Variants in EEF2K observed in about 807,000 individuals in gnomAD.
EEF2K encodes alternative protein EEF2K.
Under a neutral mutation model 93.8 loss-of-function variants are expected in EEF2K, and 70 were observed. The observed-to-expected ratio is 0.75, with a 90% confidence interval of 0.62 to 0.91. The LOEUF is 0.91. EEF2K is among the 40% of genes least tolerant of loss of function. The pLI, the probability that EEF2K is intolerant of heterozygous loss-of-function variation, is 0.00. For synonymous variants in EEF2K, 376 were observed against 380.8 expected (o/e 0.99, Z 0.15); for missense variants, 935 against 972.9 (o/e 0.96, Z 0.52).
At chr16:22,227,652 C>T (rs186852982) in intron 2 of EEF2K, among the ~76,000 whole-genome samples, 86 of 152,278 alleles carry the variant, frequency 5.6e-4, no homozygotes, top group Non-Finnish European at 1.0e-3. Flanking sequence ...GCACTGAGTA[C>T]AGACAGGCAA....
At chr16:22,261,192 A>G (rs1481386081) in intron 11 of EEF2K, among the ~76,000 whole-genome samples, 2 of 151,638 alleles carry the variant, frequency 1.3e-5, no homozygotes, top group African/African-American at 2.4e-5. Context: ...GGGCAATATG[A>G]CAAGACCCCC....
In EEF2K at chr16:22,266,425, C is replaced by T; in HGVS notation, c.1476C>T (p.Ser492=). The T allele has an allele frequency of 1.2e-6, 2 of 1,614,172 alleles. No individual in the cohort carries two copies. The highest frequency in any genetic ancestry group is 1.7e-6 in the Non-Finnish European group (2 of 1,180,026). Residue 492 remains serine, a synonymous_variant, in exon 14 of 18, where the codon TCC becomes TCT. Coordinates refer to ENST00000263026, the MANE Select transcript of EEF2K (RefSeq NM_013302.5). ...CVEKWNLLNS[S]RLHLPRASAV... is the part of the protein sequence containing the mutation. ...AGAAGTGGAATCTCCTCAACTCCTC[C>T]CGCCTCCACCTGCCGAGGGCTTCGG...
intron 15 of EEF2K, 61 bp downstream of exon 15, chr16:22,266,937 A>G: frequency 1.3e-6 from 2 of 1,530,618 alleles, no homozygotes; most frequent in African/African-American, 2.7e-5. Context: ...CCTGTGGTTC[A>G]CCTGCCTCCC....
chr16:22,231,665 T>A (rs571178892), intron 2 of EEF2K, among the ~76,000 whole-genome samples: 1 of 152,150 alleles, frequency 6.6e-6, no homozygotes, highest in South Asian at 2.1e-4. Context: ...TTCCTCTTCC[T>A]CAAATACATT....
At chr16:22,245,857 T>A (rs1293391032) in intron 3 of EEF2K, among the ~76,000 whole-genome samples, 7 of 152,146 alleles carry the variant, frequency 4.6e-5, no homozygotes, top group African/African-American at 1.7e-4. Context: ...GTGTGGCGGT[T>A]TCTCCCCACC....
intron 1 of EEF2K, among the ~76,000 whole-genome samples, chr16:22,215,513 G>C (rs745374120): frequency 1.1e-4 from 17 of 152,178 alleles, no homozygotes; most frequent in Non-Finnish European, 2.2e-4. Flanking sequence ...TCTCTCAATA[G>C]TTTAAATAAA....
At chr16:22,209,191 C>G (rs1215267818) in intron 1 of EEF2K, among the ~76,000 whole-genome samples, 5 of 152,144 alleles carry the variant, frequency 3.3e-5, no homozygotes, top group Admixed American at 3.3e-4. Flanking sequence ...GCCACCGTGC[C>G]CAGCTAATTT....
chr16:22,238,204 T>C (rs2141660726), intron 2 of EEF2K, among the ~76,000 whole-genome samples: 1 of 152,206 alleles, frequency 6.6e-6, no homozygotes, highest in South Asian at 2.1e-4. Context: ...ACAAAATTGC[T>C]TGAACCCAGG....
chr16:22,258,472 G>T, intron 9 of EEF2K, 22 bp from the exon 10 acceptor site: 1 of 1,612,646 alleles, frequency 6.2e-7, no homozygotes, highest in Non-Finnish European at 8.5e-7. Context: ...CGTGACATGA[G>T]TATCCCTATT....
At position 22,251,201 on chromosome 16, in the gene EEF2K, A is replaced by G. The variant is rs1346803128; in HGVS notation, c.497A>G (p.Asn166Ser). The part of the protein sequence containing the change: ...LHAQQWKGAS[N>S]YVAKRYIEPV... ...GCCCAGCAGTGGAAGGGCGCCTCCA[A>G]CTACGTGGCGAAGCGCTACATCGAG... Residue 166 changes from asparagine to serine, a missense_variant, in exon 6 of 18, where the codon AAC becomes AGC. Physicochemically the swap from Asn to Ser is conservative, Grantham distance 46. Transcript: ENST00000263026. 9 of 1,613,984 alleles carry G rather than the reference A, an allele frequency of 5.6e-6. No homozygotes were observed. The highest frequency in any genetic ancestry group is 5.9e-6 in the Non-Finnish European group (7 of 1,180,008).
intron 1 of EEF2K, among the ~76,000 whole-genome samples, chr16:22,225,331 CA>C (rs1364871718): frequency 2.6e-5 from 4 of 152,100 alleles, no homozygotes; most frequent in African/African-American, 9.7e-5. Flanking sequence ...AGGAAGCTGC[CA>C]GGGGTGGGCG....
rs1490324480 is a variant in EEF2K, at chr16:22,287,086, G to C, written c.*3090G>C. 6.6e-6 allele frequency: 1 copy of C among 152,268 alleles called. No homozygotes were observed. The highest frequency in any genetic ancestry group is 1.5e-5 in the Non-Finnish European group (1 of 68,088). The allele number at this position is 152,268 out of a possible 1,614,324, so 9.4% of individuals were successfully genotyped here. On this transcript the variant is annotated 3_prime_UTR_variant, in exon 18 of 18. Transcript: ENST00000263026. ...GAACTTATTCCACCTTCAAAACCTAGTTTGGGCTGGGTGCAGTGGCTCACG... is the reference window on the plus strand; with the variant it reads ...GAACTTATTCCACCTTCAAAACCTACTTTGGGCTGGGTGCAGTGGCTCACG...
At chr16:22,273,535 AC>A in intron 15 of EEF2K, 90 bp from the exon 16 acceptor site, 1 of 1,543,182 alleles carries the variant, frequency 6.5e-7, no homozygotes. Context: ...CTCTCAAAAA[AC>A]AGGGTGAAGA....
In EEF2K at chr16:22,284,013, C is replaced by T. The variant is rs200860995; in HGVS notation, c.*17C>T. ...GAGGAGTAACCAGGAAAATCACTGC[C>T]GGCTAGTCCCAAGCAAACGGGCTAG... On this transcript the variant is annotated 3_prime_UTR_variant, in exon 18 of 18. Coordinates refer to ENST00000263026, the MANE Select transcript of EEF2K (RefSeq NM_013302.5). 55 of 1,556,850 alleles carry T rather than the reference C, an allele frequency of 3.5e-5. No individual in the cohort carries two copies. Among genetic ancestry groups the T allele is most frequent in the African/African-American group, 8.2e-5 (6 of 73,588 alleles).
chr16:22,283,086 A>T (rs891609654), intron 17 of EEF2K, among the ~76,000 whole-genome samples: 1 of 152,208 alleles, frequency 6.6e-6, no homozygotes, highest in Non-Finnish European at 1.5e-5. Context: ...AGGCAGGCAG[A>T]TCACCTGCGG....
Position 22,280,348 on chromosome 16 carries a change from C to CG in EEF2K, c.2043dup (p.Leu682AlafsTer36). On this transcript the variant is annotated frameshift_variant, in exon 17 of 18. Coordinates refer to ENST00000263026, the MANE Select transcript of EEF2K (RefSeq NM_013302.5). LOFTEE classifies it high-confidence loss of function. The stretch of plus-strand genomic sequence containing the variant: ...CCGAGATGCTGTTCACAGGAGGCTA[C>CG]GGGCTGGAGAAGGACCCGCAGAGAT... 1 of 1,593,358 alleles carries CG rather than the reference C, an allele frequency of 6.3e-7. No individual in the cohort carries two copies. The highest frequency in any genetic ancestry group is 8.5e-7 in the Non-Finnish European group (1 of 1,169,760).
chr16:22,225,896 T>C lies in EEF2K; in HGVS notation c.167T>C (p.Val56Ala). Residue 56 changes from valine (V) to alanine (A), a missense_variant, in exon 2 of 18, where the codon GTT becomes GCT. By Grantham distance (64) the Val-to-Ala change is moderately conservative. Transcript: ENST00000263026. The part of the protein sequence containing the change: ...PSSNQNVNSK[V>A]NKYYSNLTKS... Reference sequence around the variant, plus strand: ...TCGAACCAGAATGTCAATTCCAAGGTTAATAAGTACTACAGCAACCTAACA... The same window carrying C: ...TCGAACCAGAATGTCAATTCCAAGGCTAATAAGTACTACAGCAACCTAACA... 6.2e-7 allele frequency: 1 copy of C among 1,614,140 alleles called. No individual in the cohort carries two copies. Among genetic ancestry groups the C allele is most frequent in the Non-Finnish European group, 8.5e-7 (1 of 1,180,040 alleles).
At position 22,280,365 on chromosome 16, in the gene EEF2K, C is replaced by G; in HGVS notation, c.2057C>G (p.Pro686Arg). The G allele has an allele frequency of 6.4e-7, 1 of 1,571,172 alleles. No homozygotes were observed. Among genetic ancestry groups the G allele is most frequent in the Non-Finnish European group, 8.6e-7 (1 of 1,158,004 alleles). Residue 686 changes from proline (P) to arginine (R), a missense_variant, in exon 17 of 18, where the codon CCG (proline) becomes CGG (arginine). By Grantham distance (103) the Pro-to-Arg change is moderately radical (BLOSUM62 -2). Coordinates refer to ENST00000263026, the MANE Select transcript of EEF2K (RefSeq NM_013302.5). The stretch of plus-strand genomic sequence containing the variant: ...GGAGGCTACGGGCTGGAGAAGGACC[C>G]GCAGAGATCAGGTAGGGCCTGGCAG... ...FTGGYGLEKD[P>R]QRSGDLYTQA...
At chr16:22,262,001 C>CCCCACACACACACACA (rs1555473206) in intron 11 of EEF2K, among the ~76,000 whole-genome samples, 1 of 138,018 alleles carries the variant, frequency 7.2e-6, no homozygotes, top group African/African-American at 2.7e-5. Context: ...TGAGACCCTG[C>CCCCACACACACACACA]CACACACACA....
Sources: allele counts gnomAD v4.1 joint callset (sites outside exome capture counted in the v4.1 genomes callset), GRCh38; gene constraint gnomAD v4.1.1; transcripts MANE v1.5; gene names NCBI Gene and HGNC (gene_info 2026-07-23, HGNC 2026-07-21).